PDE4B: variants seen among roughly 807,000 people sequenced by gnomAD.
PDE4B encodes 3',5'-cyclic-AMP phosphodiesterase 4B.
PDE4B carries 20 observed loss-of-function variants against 82.2 expected under a neutral mutation model. The observed-to-expected ratio is 0.24, with a 90% CI of 0.17 to 0.35. The LOEUF (loss-of-function observed/expected upper bound fraction) is 0.35, where lower values mean the gene tolerates loss of function less well. Ranked by LOEUF, PDE4B falls within the 10% of genes least tolerant of loss-of-function variation. PDE4B has a pLI of 1.00. For synonymous variants in PDE4B, 320 were observed against 318.9 expected (o/e 1.00, Z -0.04); for missense variants, 655 against 907.2 (o/e 0.72, Z 3.57).
At chr1:66,057,167 A>T (rs1286515493) in intron 3 of PDE4B, among the ~76,000 whole-genome samples, 1 of 152,032 alleles carries the variant, frequency 6.6e-6, no homozygotes, top group Non-Finnish European at 1.5e-5. Flanking sequence ...CATAGAGGGA[A>T]CTCTTTCCTT....
At chr1:66,027,574 C>G (rs571834684) in intron 3 of PDE4B, among the ~76,000 whole-genome samples, 107 of 152,272 alleles carry the variant, frequency 7.0e-4, no homozygotes, top group African/African-American at 2.3e-3. Context: ...AATCCACAGT[C>G]CAAAGTCTCA....
chr1:66,042,468 TA>T (rs1271916579), intron 3 of PDE4B: 1 of 151,872 alleles, frequency 6.6e-6, no homozygotes, highest in African/African-American at 2.4e-5. Flanking sequence ...ACAACATACA[TA>T]ATGGCAGTAA....
intron 1 of PDE4B, among the ~76,000 whole-genome samples, chr1:65,841,853 G>T (rs578184412): frequency 6.6e-6 from 1 of 152,192 alleles, no homozygotes; most frequent in South Asian, 2.1e-4. Context: ...TTGGATTGTT[G>T]TCTGTTTTCT....
intron 7 of PDE4B, among the ~76,000 whole-genome samples, chr1:66,304,446 A>G (rs1267217294): frequency 6.6e-6 from 1 of 152,074 alleles, no homozygotes; most frequent in African/African-American, 2.4e-5. Context: ...TATGTTCTCC[A>G]TCATCCATAA....
At chr1:66,058,779 T>A (rs777778905) in intron 3 of PDE4B, among the ~76,000 whole-genome samples, 1 of 152,156 alleles carries the variant, frequency 6.6e-6, no homozygotes, top group Non-Finnish European at 1.5e-5. Context: ...GAAACCATTT[T>A]TTCCCCCTAG....
intron 3 of PDE4B, among the ~76,000 whole-genome samples, chr1:66,154,200 T>C (rs1434154496): frequency 6.6e-6 from 1 of 152,168 alleles, no homozygotes; most frequent in Non-Finnish European, 1.5e-5. Context: ...CTAATTCTTA[T>C]CTGTTTATTG....
intron 3 of PDE4B, among the ~76,000 whole-genome samples, chr1:66,227,390 C>T (rs1651540389): frequency 6.6e-6 from 1 of 152,082 alleles, no homozygotes; most frequent in Non-Finnish European, 1.5e-5. Context: ...CCTCAGGATC[C>T]CTATCTATAT....
At chr1:66,363,339 T>C in intron 11 of PDE4B, 68 bp from the exon 12 acceptor site, 1 of 1,557,392 alleles carries the variant, frequency 6.4e-7, no homozygotes, top group South Asian at 1.2e-5. Context: ...CATCTTACTT[T>C]TCTGATTTAA....
chr1:66,004,490 C>T (rs530519540), intron 3 of PDE4B, among the ~76,000 whole-genome samples: 2 of 152,194 alleles, frequency 1.3e-5, no homozygotes, highest in Admixed American at 6.6e-5. Context: ...CACTCTCATT[C>T]ATCACAGAGA....
At chr1:65,997,138 AC>A (rs374101338) in intron 3 of PDE4B, among the ~76,000 whole-genome samples, 2 of 139,634 alleles carry the variant, frequency 1.4e-5, no homozygotes, top group African/African-American at 5.2e-5. Flanking sequence ...GGCCCACTGC[AC>A]CCCCCTGACC....
chr1:65,846,812 T>A (rs72933432), intron 1 of PDE4B, among the ~76,000 whole-genome samples: 1 of 152,356 alleles, frequency 6.6e-6, no homozygotes, highest in African/African-American at 2.4e-5. Flanking sequence ...AGTGTTTTTA[T>A]CATAAATTTG....
chr1:66,195,622 ATTAC>A (rs1648233023), intron 3 of PDE4B, among the ~76,000 whole-genome samples: 1 of 152,150 alleles, frequency 6.6e-6, no homozygotes, highest in African/African-American at 2.4e-5. Flanking sequence ...CCTTGGGACA[ATTAC>A]TTAGCTTTTC....
intron 7 of PDE4B, among the ~76,000 whole-genome samples, chr1:66,327,358 T>C (rs1659813541): frequency 6.6e-6 from 1 of 152,244 alleles, no homozygotes; most frequent in African/African-American, 2.4e-5. Context: ...TATACATATG[T>C]ATGTTTACAC....
chr1:66,201,329 A>T (rs981960702), intron 3 of PDE4B, among the ~76,000 whole-genome samples: 14 of 152,056 alleles, frequency 9.2e-5, no homozygotes, highest in African/African-American at 2.4e-4. Context: ...TGTCTCTGCC[A>T]GTCTTTGGTA....
chr1:66,269,926 A>G (rs986122851), intron 7 of PDE4B, among the ~76,000 whole-genome samples: 2 of 152,208 alleles, frequency 1.3e-5, no homozygotes, highest in Non-Finnish European at 2.9e-5. Context: ...AATTTGATAC[A>G]TAAGGTGGGG....
At chr1:66,329,077 G>T (rs190657336) in intron 7 of PDE4B, among the ~76,000 whole-genome samples, 2 of 152,110 alleles carry the variant, frequency 1.3e-5, no homozygotes, top group Non-Finnish European at 2.9e-5. Context: ...TCAGTCTGGC[G>T]GCTATCAGGA....
intron 3 of PDE4B, among the ~76,000 whole-genome samples, chr1:66,024,774 T>C (rs984130607): frequency 2.0e-5 from 3 of 152,120 alleles, no homozygotes; most frequent in African/African-American, 7.2e-5. Flanking sequence ...TAGGTAAAGT[T>C]GGTGTATTCC....
At chr1:66,305,041 A>C (rs1658171190) in intron 7 of PDE4B, among the ~76,000 whole-genome samples, 1 of 152,148 alleles carries the variant, frequency 6.6e-6, no homozygotes, top group Admixed American at 6.6e-5. Flanking sequence ...ATGACACTCT[A>C]ATGACTTGAA....
At chr1:66,249,195 G>A (rs1339835914) in intron 4 of PDE4B, among the ~76,000 whole-genome samples, 1 of 152,174 alleles carries the variant, frequency 6.6e-6, no homozygotes, top group Non-Finnish European at 1.5e-5. Context: ...AGTTTGAATG[G>A]GGGTCTTTGA....
Sources: allele counts gnomAD v4.1 joint callset (sites outside exome capture counted in the v4.1 genomes callset), GRCh38; gene constraint gnomAD v4.1.1; transcripts MANE v1.5; gene names NCBI Gene and HGNC (gene_info 2026-07-23, HGNC 2026-07-21).